The following ABCA13 variants were observed in gnomAD, a reference collection of about 807,000 sequenced individuals.
ABCA13 encodes ATP-binding cassette sub-family A member 13.
ABCA13 carries 476 observed loss-of-function variants against 478.7 expected under a neutral mutation model. That is an observed-to-expected ratio of 0.99 (90% CI 0.92 to 1.07). The LOEUF (loss-of-function observed/expected upper bound fraction) is 1.07, where lower values mean the gene tolerates loss of function less well. Among genes scored for constraint, ABCA13 ranks in the 50% least tolerant of loss-of-function variants. ABCA13 has a pLI of 0.00. For missense variants in ABCA13, 6,060 were observed against 5,910.6 expected (o/e 1.03, Z -0.83); for synonymous variants, 2,252 against 2,158.9 (o/e 1.04, Z -1.20).
chr7:48,425,188 T>C (rs1326928413), intron 41 of ABCA13, among the ~76,000 whole-genome samples: 1 of 152,134 alleles, frequency 6.6e-6, no homozygotes. Context: ...CATTCAAACA[T>C]GTGCATATAC....
At position 48,272,438 on chromosome 7, in the gene ABCA13, GA is replaced by G; in HGVS notation, c.2774del (p.Asn925MetfsTer21). ...EALNTVYAIR[N>X]ASDLFSALSE... Reference sequence around the variant, plus strand: ...CTCTGAACACAGTCTACGCTATCAGGAATGCATCTGATCTTTTCTCAGCCCT... The same window carrying G: ...CTCTGAACACAGTCTACGCTATCAGGATGCATCTGATCTTTTCTCAGCCCT... On this transcript the variant is annotated frameshift_variant, in exon 17 of 62. Transcript: ENST00000435803. LOFTEE classifies it high-confidence loss of function. 1 of 1,613,748 alleles carries G rather than the reference GA, an allele frequency of 6.2e-7. No homozygotes were observed. Among genetic ancestry groups the G allele is most frequent in the Non-Finnish European group, 8.5e-7 (1 of 1,179,768 alleles).
chr7:48,194,163 AT>A (rs1797587023), intron 2 of ABCA13, among the ~76,000 whole-genome samples: 14 of 22 alleles, frequency 0.64, 7 homozygotes, highest in Non-Finnish European at 1. Context: ...AATGATGATG[AT>A]GATGATGATG....
chr7:48,254,804 T>G (rs1275811972), intron 15 of ABCA13, among the ~76,000 whole-genome samples: 1 of 152,208 alleles, frequency 6.6e-6, no homozygotes, highest in Non-Finnish European at 1.5e-5. Flanking sequence ...TGGTGTTTAC[T>G]AAAGGCAATT....
At chr7:48,593,098 T>C (rs1032087073) in intron 57 of ABCA13, among the ~76,000 whole-genome samples, 1 of 152,064 alleles carries the variant, frequency 6.6e-6, no homozygotes, top group African/African-American at 2.4e-5. Flanking sequence ...GATCATATTC[T>C]TGACATTTTG....
intron 41 of ABCA13, among the ~76,000 whole-genome samples, chr7:48,413,295 G>A (rs181473900): frequency 2.1e-4 from 32 of 152,312 alleles, no homozygotes; most frequent in African/African-American, 7.7e-4. Flanking sequence ...AGAGGGTTTA[G>A]CACGGGAACA....
chr7:48,197,636 C>T (rs1452765813), intron 2 of ABCA13, among the ~76,000 whole-genome samples: 1 of 152,148 alleles, frequency 6.6e-6, no homozygotes, highest in Non-Finnish European at 1.5e-5. Flanking sequence ...ACCACTCCCA[C>T]CCTCCTGATG....
intron 23 of ABCA13, among the ~76,000 whole-genome samples, chr7:48,301,316 G>A (rs867379984): frequency 2.8e-4 from 43 of 152,198 alleles, no homozygotes; most frequent in African/African-American, 8.4e-4. Context: ...ACTTGGGGCC[G>A]GTCCTGGGGG....
rs374062476 is a variant in ABCA13, at chr7:48,466,984, C to G, written c.12844C>G (p.Arg4282Gly). The stretch of plus-strand genomic sequence containing the variant: ...TGGGGGCGACAACTTGGACCTCACC[C>G]GTGTGCTTCTGCGGAAGTTTAGAGA... Reference protein sequence around the residue: ...SSGGDNLDLTRVLLRKFRDQD... With the variant: ...SSGGDNLDLTGVLLRKFRDQD... The change falls in exon 44 of 62, where the codon CGT (arginine) becomes GGT (glycine). Residue 4282 changes from arginine (R) to glycine (G), a missense_variant. Arg to Gly is a moderately radical substitution (Grantham distance 125, BLOSUM62 -2). Around this residue, in one of 3 missense-constraint regions of ABCA13, gnomAD observed 1,627 missense variants for 1,571.0 expected, o/e 1.04. Coordinates refer to ENST00000435803, the MANE Select transcript of ABCA13 (RefSeq NM_152701.5). The G allele has an allele frequency of 6.2e-7, 1 of 1,613,918 alleles. No homozygotes were observed. Among genetic ancestry groups the G allele is most frequent in the Admixed American group, 1.7e-5 (1 of 60,014 alleles).
intron 55 of ABCA13, among the ~76,000 whole-genome samples, chr7:48,565,571 A>G (rs1428171806): frequency 6.6e-6 from 1 of 152,190 alleles, no homozygotes; most frequent in East Asian, 1.9e-4. Flanking sequence ...TCTACCTTTC[A>G]AAGAAGATAA....
chr7:48,535,149 G>A (rs1833484533), intron 55 of ABCA13, among the ~76,000 whole-genome samples: 2 of 152,278 alleles, frequency 1.3e-5, no homozygotes, highest in South Asian at 4.2e-4. Context: ...TATGTCAGAG[G>A]GAAGATCTGG....
chr7:48,237,557 C>T (rs1198978752), intron 8 of ABCA13, among the ~76,000 whole-genome samples: 3 of 152,214 alleles, frequency 2.0e-5, no homozygotes, highest in Non-Finnish European at 4.4e-5. Flanking sequence ...CTCTCATAAT[C>T]TGCAAAGGTG....
intron 44 of ABCA13, among the ~76,000 whole-genome samples, chr7:48,468,882 T>C (rs1469722027): frequency 6.6e-6 from 1 of 152,246 alleles, no homozygotes; most frequent in Middle Eastern, 3.2e-3. Context: ...TCCACTGTTG[T>C]CTAAATCCGA....
intron 57 of ABCA13, among the ~76,000 whole-genome samples, chr7:48,588,834 A>G (rs1178975691): frequency 2.0e-5 from 3 of 152,222 alleles, no homozygotes; most frequent in African/African-American, 7.2e-5. Context: ...CTCAACAGAG[A>G]GACTAGAAGT....
Position 48,374,343 on chromosome 7 carries a change from G to A in ABCA13, c.11134-4G>A, listed in dbSNP as rs1329269822. 7 of 1,607,202 alleles carry A rather than the reference G, an allele frequency of 4.4e-6. No individual in the cohort carries two copies. Among genetic ancestry groups the A allele is most frequent in the Non-Finnish European group, 5.9e-6 (7 of 1,177,152 alleles). On this transcript the variant is annotated splice_region_variant and splice_polypyrimidine_tract_variant and intron_variant, in intron 33 of 61. Transcript: ENST00000435803. ...GCAGTTTTTCTCCATCAATCTGTGG[G>A]CAGTGCCTTCTTTCGACAACCGCCT... is the stretch of plus-strand genomic sequence containing the variant.
intron 27 of ABCA13, among the ~76,000 whole-genome samples, chr7:48,330,561 A>ACATC (rs568787723): frequency 3.8e-4 from 52 of 137,914 alleles, no homozygotes; most frequent in South Asian, 1.2e-3. Flanking sequence ...ATCCATCCAC[A>ACATC]CATCCATCCA....
intron 38 of ABCA13, among the ~76,000 whole-genome samples, chr7:48,393,194 T>C (rs977363995): frequency 3.3e-5 from 5 of 152,122 alleles, no homozygotes; most frequent in Admixed American, 2.6e-4. Context: ...AGTGGAGCAA[T>C]GAAAGTCATG....
chr7:48,583,595 C>T (rs906633762), intron 56 of ABCA13, among the ~76,000 whole-genome samples: 3 of 152,160 alleles, frequency 2.0e-5, no homozygotes, highest in African/African-American at 7.2e-5. Flanking sequence ...CATCCCAAAA[C>T]CAATGCATCC....
intron 58 of ABCA13, among the ~76,000 whole-genome samples, chr7:48,610,056 A>C (rs752164215): frequency 2.0e-5 from 3 of 152,222 alleles, no homozygotes; most frequent in Non-Finnish European, 2.9e-5. Flanking sequence ...CCCATGTCTT[A>C]ACTCATTTCA....
Position 48,272,344 on chromosome 7 carries a change from G to T in ABCA13, c.2678G>T (p.Arg893Leu). The change falls in exon 17 of 62, where the codon CGT becomes CTT. Residue 893 changes from arginine to leucine, a missense_variant. By Grantham distance (102) the Arg-to-Leu change is moderately radical (BLOSUM62 -2). Around this residue, in one of 3 missense-constraint regions of ABCA13, gnomAD observed 4,423 missense variants for 4,309.1 expected, o/e 1.03. Coordinates refer to ENST00000435803, the MANE Select transcript of ABCA13 (RefSeq NM_152701.5). ...CCAGCTATGAACATAGATTTTGTAC[G>T]TTTAAGTGAGGCTATAATAACTAGT... is the stretch of plus-strand genomic sequence containing the variant. ...KSPAMNIDFV[R>L]LSEAIITSLH... 1 of 1,613,674 alleles carries T rather than the reference G, an allele frequency of 6.2e-7. No homozygotes were observed. The highest frequency in any genetic ancestry group is 1.1e-5 in the South Asian group (1 of 91,064).
Sources: gnomAD v4.1 joint callset for allele counts (sites outside exome capture counted in the v4.1 genomes callset) on GRCh38, gnomAD v4.1.1 for gene constraint, gnomAD v4.1.1 regional missense constraint, MANE v1.5 for transcripts, NCBI Gene and HGNC (gene_info 2026-07-23, HGNC 2026-07-21) for gene names.